HK2: variants seen among roughly 807,000 people sequenced by gnomAD.
HK2 encodes the protein hexokinase-2.
In HK2, 42 loss-of-function variants were observed where a neutral mutation model predicts 92.9. The ratio of observed to expected loss-of-function variants is 0.45; its 90% CI spans 0.35 to 0.58. The LOEUF is 0.58. HK2 is among the 20% of genes least tolerant of loss of function. HK2 has a pLI of 0.00. For missense variants in HK2, 978 were observed against 1,245.1 expected (o/e 0.79, Z 3.23); for synonymous variants, 422 against 468.0 (o/e 0.90, Z 1.27).
chr2:74,852,823 G>A (rs1019945139), intron 1 of HK2, among the ~76,000 whole-genome samples: 6 of 152,180 alleles, frequency 3.9e-5, no homozygotes, highest in South Asian at 2.1e-4. Flanking sequence ...AGTTGCCTCC[G>A]CATGAGCACA....
Position 74,890,846 on chromosome 2 carries a change from G to T in HK2, c.2659G>T (p.Asp887Tyr). 6.2e-7 allele frequency: 1 copy of T among 1,614,176 alleles called. No homozygotes were observed. The highest frequency in any genetic ancestry group is 1.6e-4 in the Middle Eastern group (1 of 6,062). The change falls in exon 18 of 18, where the codon GAT (aspartate) becomes TAT (tyrosine). Residue 887 changes from aspartate to tyrosine, a missense_variant. By Grantham distance (160) the Asp-to-Tyr change is radical. Transcript: ENST00000290573. ...AGTGAAGGACCTGGCTCCGAAATGT[G>T]ATGTGTCTTTCCTGCAGTCAGAGGA... The part of the protein sequence containing the change: ...ETVKDLAPKC[D>Y]VSFLQSEDGS...
chr2:74,881,574 C>A, intron 10 of HK2, 137 bp from the exon 11 acceptor site: 5 of 909,272 alleles, frequency 5.5e-6, no homozygotes, highest in Non-Finnish European at 9.0e-6. Flanking sequence ...CTCTTCTGTT[C>A]CTTCTGTATT....
intron 1 of HK2, among the ~76,000 whole-genome samples, chr2:74,839,660 T>A (rs1057331782): frequency 2.2e-4 from 22 of 98,762 alleles, no homozygotes; most frequent in Non-Finnish European, 3.8e-4. Context: ...CCAAAGTCAA[T>A]TTTTTTTTTT....
intron 9 of HK2, among the ~76,000 whole-genome samples, chr2:74,879,922 C>T (rs764018980): frequency 3.9e-5 from 6 of 152,196 alleles, no homozygotes; most frequent in Non-Finnish European, 5.9e-5. Context: ...GCTGCTCCAG[C>T]AAAGAGGCTG....
chr2:74,870,448 T>C (rs1489612670), intron 3 of HK2, among the ~76,000 whole-genome samples: 1 of 152,066 alleles, frequency 6.6e-6, no homozygotes, highest in Non-Finnish European at 1.5e-5. Context: ...AAGAAAGCAG[T>C]GATCAGAGCT....
chr2:74,885,313 A>G (rs952343397), intron 12 of HK2, among the ~76,000 whole-genome samples, 181 bp from the exon 13 acceptor site: 3 of 152,214 alleles, frequency 2.0e-5, no homozygotes, highest in African/African-American at 7.2e-5. Context: ...GCTACACAGT[A>G]GGTGCTCAAT....
In HK2 at chr2:74,834,979, G is replaced by A. The variant is rs1688118940; in HGVS notation, c.63+336G>A. On this transcript the variant is annotated intron_variant, in intron 1 of 17. Transcript: ENST00000290573. The surrounding 1 kb of genome is among the most constrained non-coding windows in gnomAD (Gnocchi z 4.2). ...GGTAGTCAGGGATTGCTGCGCCCAC[G>A]TGGGAGGGAGCCCCCTTCTGCAGCG... Among the ~76,000 whole-genome samples the A allele has an allele frequency of 6.6e-6, 1 of 152,210 alleles. No homozygotes were observed. Among genetic ancestry groups the A allele is most frequent in the South Asian group, 2.1e-4 (1 of 4,836 alleles).
intron 12 of HK2, among the ~76,000 whole-genome samples, chr2:74,883,983 TA>T (rs1378605043): frequency 2.0e-5 from 3 of 152,132 alleles, no homozygotes; most frequent in African/African-American, 7.2e-5. Flanking sequence ...AATCTCTTTA[TA>T]AAAAAACATA....
chr2:74,854,982 T>C (rs1241285409), intron 2 of HK2, among the ~76,000 whole-genome samples: 2 of 152,206 alleles, frequency 1.3e-5, no homozygotes. Context: ...GGACAAAGTA[T>C]GGAGCGTCAC....
chr2:74,884,547 G>A (rs575161425), intron 12 of HK2, among the ~76,000 whole-genome samples: 1 of 152,318 alleles, frequency 6.6e-6, no homozygotes, highest in African/African-American at 2.4e-5. Flanking sequence ...GCTCTCTGAG[G>A]GTATGTGCTT....
Position 74,867,680 on chromosome 2 carries a change from C to T in HK2, c.271C>T (p.Arg91Cys), listed in dbSNP as rs371320494. Residue 91 changes from arginine to cysteine, a missense_variant, in exon 3 of 18, where the codon CGT becomes TGT. By Grantham distance (180) the Arg-to-Cys change is radical (BLOSUM62 -3). Coordinates refer to ENST00000290573, the MANE Select transcript of HK2 (RefSeq NM_000189.5). ...LALDLGGTNFRVLWVKVTDNG... is the reference protein window; with the variant it reads ...LALDLGGTNFCVLWVKVTDNG... ...TCTGGATCTTGGAGGGACCAACTTC[C>T]GTGTGCTTTGGGTGAAAGTAACGGA... The T allele has an allele frequency of 1.3e-5, 21 of 1,613,828 alleles. No individual in the cohort carries two copies. The highest frequency in any genetic ancestry group is 1.7e-5 in the Admixed American group (1 of 59,996).
rs36066402 is a variant in HK2 at position 74,877,252 on chromosome 2, G to C, written c.962G>C (p.Gly321Ala). ...ATGGCCAAGGAGGAGCTGCTCTTTG[G>C]GGGGAAGCTCAGCCCAGAGCTTCTC... ...VKMAKEELLFGGKLSPELLNT... is the reference protein window; with the variant it reads ...VKMAKEELLFAGKLSPELLNT... The change falls in exon 8 of 18, where the codon GGG becomes GCG. Residue 321 changes from glycine (G) to alanine (A), a missense_variant. Gly to Ala is a moderately conservative substitution (Grantham distance 60). This residue lies in a region of HK2 where 742 missense variants were observed against 922.5 expected (regional missense o/e 0.80). Transcript: ENST00000290573. 1.0e-3 allele frequency: 1,656 copies of C among 1,614,156 alleles called. 11 individuals are homozygous for C. The African/African-American group carries it at 0.018, about 18-fold the overall frequency.
At chr2:74,874,159 A>T (rs142562689) in intron 6 of HK2, 107 bp from the exon 7 acceptor site, 7 of 1,417,214 alleles carry the variant, frequency 4.9e-6, no homozygotes, top group Non-Finnish European at 6.0e-6. Flanking sequence ...TGCAGTGAGA[A>T]ATCCCAGCCA....
At chr2:74,881,682 CTT>C in intron 10 of HK2, 27 bp from the exon 11 acceptor site, 1 of 1,613,278 alleles carries the variant, frequency 6.2e-7, no homozygotes. Flanking sequence ...TCTGCCCCAA[CTT>C]ATCACTTCCC....
At chr2:74,847,787 T>C (rs1402225531) in intron 1 of HK2, among the ~76,000 whole-genome samples, 1 of 152,176 alleles carries the variant, frequency 6.6e-6, no homozygotes, top group Non-Finnish European at 1.5e-5. Context: ...GAGTCAGTCG[T>C]TTTCATCCCA....
At chr2:74,852,843 T>C (rs1688602106) in intron 1 of HK2, among the ~76,000 whole-genome samples, 1 of 152,178 alleles carries the variant, frequency 6.6e-6, no homozygotes. Context: ...AGAGGCTGCA[T>C]TATCATTTAC....
intron 1 of HK2, 95 bp from the exon 2 acceptor site, chr2:74,854,198 G>C (rs1234990739): frequency 6.9e-6 from 8 of 1,152,274 alleles, no homozygotes; most frequent in Non-Finnish European, 9.1e-6. Context: ...AACAGATTTT[G>C]TTCTTTTGAA....
Position 74,890,649 on chromosome 2 carries a change from G to C in HK2, c.2610-148G>C, listed in dbSNP as rs1399470418. 1.1e-5 allele frequency: 11 copies of C among 960,058 alleles called. No individual in the cohort carries two copies. In the South Asian group the frequency reaches 1.5e-4, roughly 13 times the overall value. The allele number at this position is 960,058 out of a possible 1,614,324, so 59.5% of individuals were successfully genotyped here. On this transcript the variant is annotated intron_variant, in intron 17 of 17. Coordinates refer to ENST00000290573, the MANE Select transcript of HK2 (RefSeq NM_000189.5). ...TGGTACTTAATAATATATAGTAAAT[G>C]TTTAATACATTATAGCTGTCATCCT...
At chr2:74,874,067 G>A (rs1231031877) in intron 6 of HK2, 124 bp downstream of exon 6, 1 of 975,176 alleles carries the variant, frequency 1.0e-6, no homozygotes, top group South Asian at 1.4e-5. Flanking sequence ...TAATGGTCCA[G>A]TCACTTTGGA....
Sources: allele counts gnomAD v4.1 joint callset (sites outside exome capture counted in the v4.1 genomes callset), GRCh38; gene constraint gnomAD v4.1.1; regional missense constraint gnomAD v4.1.1; non-coding constraint Gnocchi (gnomAD v3.1); transcripts MANE v1.5; gene names NCBI Gene and HGNC (gene_info 2026-07-23, HGNC 2026-07-21).